HMGB1: variants seen among roughly 807,000 people sequenced by gnomAD.
HMGB1 encodes the protein high mobility group protein B1.
For synonymous variants in HMGB1, 81 were observed against 84.0 expected (o/e 0.96, Z 0.19); for missense variants, 79 against 253.5 (o/e 0.31, Z 4.67).
chr13:30,504,876 T>A (rs1887815756), intron 1 of HMGB1, among the ~76,000 whole-genome samples: 1 of 52,240 alleles, frequency 1.9e-5, no homozygotes, highest in Admixed American at 3.2e-4. Flanking sequence ...TTTTTCCCCC[T>A]ACACTGGTAA....
chr13:30,518,403 G>A (rs1888148850), intron 1 of HMGB1, among the ~76,000 whole-genome samples: 1 of 152,126 alleles, frequency 6.6e-6, no homozygotes, highest in South Asian at 2.1e-4. Flanking sequence ...AATTGTCTGT[G>A]ATTTTCAAGA....
chr13:30,478,792 A>G (rs566099009), intron 1 of HMGB1, among the ~76,000 whole-genome samples: 4 of 152,156 alleles, frequency 2.6e-5, no homozygotes, highest in African/African-American at 7.2e-5. Flanking sequence ...TCAGCCTCCC[A>G]AAGTGCTGGG....
intron 1 of HMGB1, among the ~76,000 whole-genome samples, chr13:30,489,750 C>T (rs7336925): frequency 0.94 from 136,223 of 145,476 alleles, 63,579 homozygotes; most frequent in East Asian, 1. Flanking sequence ...TTTTTTTTTT[C>T]CTGAGACGGA....
intron 1 of HMGB1, among the ~76,000 whole-genome samples, chr13:30,608,823 G>A (rs570793189): frequency 6.6e-6 from 1 of 152,230 alleles, no homozygotes; most frequent in African/African-American, 2.4e-5. Context: ...GATTTAACTG[G>A]ATCCAAACAC....
chr13:30,538,732 T>C (rs527690319), intron 1 of HMGB1, among the ~76,000 whole-genome samples: 55 of 139,110 alleles, frequency 4.0e-4, no homozygotes, highest in African/African-American at 1.2e-3. Context: ...TTCTTTCTTT[T>C]TCTTTCTTTC....
intron 1 of HMGB1, among the ~76,000 whole-genome samples, chr13:30,560,172 AG>A (rs1869886388): frequency 6.6e-6 from 1 of 152,150 alleles, no homozygotes; most frequent in South Asian, 2.1e-4. Flanking sequence ...ATAAGAAAAG[AG>A]GACACCCCCA....
At chr13:30,470,382 G>A (rs1318511916), upstream of HMGB1, among the ~76,000 whole-genome samples, 2 of 152,202 alleles carry the variant, frequency 1.3e-5, no homozygotes, top group African/African-American at 4.8e-5. Flanking sequence ...AATAGAATAA[G>A]AAGCGAATGT....
At position 30,464,136 on chromosome 13, in the gene HMGB1, T is replaced by C. The variant is rs915608041; in HGVS notation, c.-14-442A>G. On this transcript the variant is annotated intron_variant, in intron 1 of 4. Transcript: ENST00000341423. ...TAAGCGAGTCGACTCTTCCTAATTATGGGACCTTAAAAAAAAAAAATCACC... is the reference window on the plus strand; with the variant it reads ...TAAGCGAGTCGACTCTTCCTAATTACGGGACCTTAAAAAAAAAAAATCACC... The C allele has an allele frequency of 5.1e-5, 44 of 865,210 alleles. No homozygotes were observed. The African/African-American group carries it at 1.5e-3, about 29-fold the overall frequency. The allele number at this position is 865,210 out of a possible 1,614,324, so 53.6% of individuals were successfully genotyped here. A position where few individuals can be genotyped will look rare whatever the true frequency, so the allele number is the denominator to read the frequency against.
chr13:30,548,912 A>G (rs1200079107), intron 1 of HMGB1, among the ~76,000 whole-genome samples: 3 of 152,126 alleles, frequency 2.0e-5, no homozygotes, highest in Non-Finnish European at 4.4e-5. Flanking sequence ...CCCTATTAAC[A>G]TTGTCCCTGA....
chr13:30,480,067 C>T (rs186513994), intron 1 of HMGB1, among the ~76,000 whole-genome samples: 10 of 152,264 alleles, frequency 6.6e-5, no homozygotes, highest in Admixed American at 6.5e-4. Context: ...CTGTAATGTC[C>T]TTCCCCCTCC....
At chr13:30,480,840 A>G (rs1182152663) in intron 1 of HMGB1, among the ~76,000 whole-genome samples, 3 of 151,844 alleles carry the variant, frequency 2.0e-5, no homozygotes, top group Non-Finnish European at 4.4e-5. Flanking sequence ...TACGTGCCAA[A>G]TGGCTTTGGG....
intron 1 of HMGB1, among the ~76,000 whole-genome samples, chr13:30,486,898 A>C (rs1430433910): frequency 5.3e-5 from 8 of 152,222 alleles, no homozygotes; most frequent in Non-Finnish European, 7.3e-5. Flanking sequence ...TCTGCTGCAG[A>C]GGAGTGCTGC....
chr13:30,488,726 C>T (rs566762813), intron 1 of HMGB1, among the ~76,000 whole-genome samples: 2 of 148,712 alleles, frequency 1.3e-5, no homozygotes, highest in Non-Finnish European at 3.0e-5. Context: ...ACTATGTTGC[C>T]CAGGCTGGTT....
chr13:30,582,361 G>A (rs538419717), intron 1 of HMGB1, among the ~76,000 whole-genome samples: 14 of 152,252 alleles, frequency 9.2e-5, no homozygotes, highest in African/African-American at 3.1e-4. Context: ...TCCACCAGCC[G>A]GGCGTGGTGG....
intron 1 of HMGB1, among the ~76,000 whole-genome samples, chr13:30,502,486 T>C (rs567043054): frequency 3.9e-5 from 6 of 152,254 alleles, no homozygotes; most frequent in East Asian, 3.9e-4. Context: ...AAACCTTACA[T>C]AGGATTTTAA....
At chr13:30,507,039 T>C (rs2137459590) in intron 1 of HMGB1, among the ~76,000 whole-genome samples, 1 of 152,316 alleles carries the variant, frequency 6.6e-6, no homozygotes, top group East Asian at 1.9e-4. Context: ...TGCCTCCTTG[T>C]TGTTCATATT....
chr13:30,588,734 T>C (rs1287524437), intron 1 of HMGB1, among the ~76,000 whole-genome samples: 1 of 151,978 alleles, frequency 6.6e-6, no homozygotes, highest in Non-Finnish European at 1.5e-5. Flanking sequence ...CTGGCCAACA[T>C]GGTGAAACCC....
chr13:30,500,765 C>T (rs951047579), intron 1 of HMGB1, among the ~76,000 whole-genome samples: 1 of 150,344 alleles, frequency 6.7e-6, no homozygotes, highest in African/African-American at 2.5e-5. Flanking sequence ...GCTCTGTCGC[C>T]CAGGCTGGAG....
intron 1 of HMGB1, among the ~76,000 whole-genome samples, chr13:30,580,070 T>C (rs913068522): frequency 3.3e-5 from 5 of 152,220 alleles, no homozygotes; most frequent in Non-Finnish European, 7.3e-5. Context: ...ACCACAACTT[T>C]ATTTCTGATA....
Sources: allele counts gnomAD v4.1 joint callset (sites outside exome capture counted in the v4.1 genomes callset), GRCh38; gene constraint gnomAD v4.1.1; transcripts MANE v1.5; gene names NCBI Gene and HGNC (gene_info 2026-07-23, HGNC 2026-07-21).